The following VAV2 variants were observed in gnomAD, a reference collection of about 807,000 sequenced individuals.
The protein encoded by VAV2 is vav guanine nucleotide exchange factor 2.
Under a neutral mutation model 132.5 loss-of-function variants are expected in VAV2, and 67 were observed. That is an observed-to-expected ratio of 0.51 (90% CI 0.42 to 0.62). The LOEUF is 0.62. Ranked by LOEUF, VAV2 falls within the 20% of genes least tolerant of loss-of-function variation. The pLI is 0.00. For synonymous variants in VAV2, 492 were observed against 443.5 expected, an observed-to-expected ratio of 1.11 and a Z score of -1.37; for missense variants, 938 against 1,153.6, an observed-to-expected ratio of 0.81 and a Z score of 2.71.
chr9:133,851,532 T>C (rs1837166435), intron 3 of VAV2, among the ~76,000 whole-genome samples: 1 of 152,230 alleles, frequency 6.6e-6, no homozygotes, highest in Non-Finnish European at 1.5e-5. Context: ...GTTCTGTGCC[T>C]ACTATGTGCC....
At chr9:133,818,460 G>A (rs908883697) in intron 4 of VAV2, among the ~76,000 whole-genome samples, 6 of 151,852 alleles carry the variant, frequency 4.0e-5, no homozygotes, top group Non-Finnish European at 7.4e-5. Flanking sequence ...CCTCCTGGGT[G>A]TCAGATCTTC....
rs778826365 is a variant in VAV2, at chr9:133,779,911, G to C, written c.1762+7C>G. ...GATAGCAGAGGGCCCAGGTCCAGAA[G>C]ACTCACCTGGTCCCGCTCCGGAGGC... On this transcript the variant is annotated splice_region_variant and intron_variant, in intron 21 of 29. Coordinates refer to ENST00000371850, the MANE Select transcript of VAV2 (RefSeq NM_001134398.2). 1 of 1,611,874 alleles carries C rather than the reference G, an allele frequency of 6.2e-7. No homozygotes were observed.
chr9:133,848,279 CAAAAAAAAAAAAA>C (rs34908811), intron 3 of VAV2, among the ~76,000 whole-genome samples: 2 of 48,628 alleles, frequency 4.1e-5, no homozygotes, highest in South Asian at 8.4e-4. Context: ...GACTCCGTCT[CAAAAAAAAAAAAA>C]AAAAAAAAAA....
At chr9:133,901,027 T>C (rs1030936730) in intron 2 of VAV2, among the ~76,000 whole-genome samples, 2 of 152,070 alleles carry the variant, frequency 1.3e-5, no homozygotes, top group East Asian at 3.9e-4. Context: ...CTCCAACTCC[T>C]GACCTCAGGT....
intron 2 of VAV2, among the ~76,000 whole-genome samples, chr9:133,927,102 C>T (rs1269798874): frequency 2.8e-5 from 1 of 35,572 alleles, no homozygotes; most frequent in Non-Finnish European, 1.6e-4. Flanking sequence ...CAGGACCTAC[C>T]TTACCAGTGG....
rs1260003591 is a variant in VAV2, at chr9:133,795,726, C to G, written c.1043G>C (p.Ser348Thr). The G allele has an allele frequency of 9.3e-6, 15 of 1,614,030 alleles. No individual in the cohort carries two copies. The highest frequency in any genetic ancestry group is 1.3e-5 in the Non-Finnish European group (15 of 1,179,874). Residue 348 changes from serine (S) to threonine (T), a missense_variant, in exon 12 of 30, where the codon AGC (serine) becomes ACC (threonine). By Grantham distance (58) the Ser-to-Thr change is moderately conservative. Transcript: ENST00000371850. The stretch of plus-strand genomic sequence containing the variant: ...CCTCTCAGGCCGTTCCGCAGAATGG[C>G]TCAGAAGCTCCTGGAAGGGTGAGAA... ...KYHLLLKELL[S>T]HSAERPERQQ...
chr9:133,969,498 G>A lies in VAV2; in HGVS notation c.204+22577C>T, dbSNP rs1842256199. Among the ~76,000 whole-genome samples, 1 of 151,936 alleles carries A rather than the reference G, an allele frequency of 6.6e-6. No homozygotes were observed. Among genetic ancestry groups the A allele is most frequent in the South Asian group, 2.1e-4 (1 of 4,782 alleles). On this transcript the variant is annotated intron_variant, in intron 1 of 29. Transcript: ENST00000371850. The surrounding 1 kb of genome is among the most constrained non-coding windows in gnomAD (Gnocchi z 5.1). ...GCACCACTGAGACAAGAAGCCTGAGGCCAACCAGGGAACCTCAGGGGTGGA... is the reference window on the plus strand; with the variant it reads ...GCACCACTGAGACAAGAAGCCTGAGACCAACCAGGGAACCTCAGGGGTGGA...
Position 133,823,863 on chromosome 9 carries a change from T to TCA in VAV2, c.449+10407_449+10408dup, listed in dbSNP as rs561899155. Among the ~76,000 whole-genome samples the TCA allele has an allele frequency of 2.2e-4, 33 of 152,226 alleles. No individual in the cohort carries two copies. Among genetic ancestry groups the TCA allele is most frequent in the African/African-American group, 7.5e-4 (31 of 41,546 alleles). On this transcript the variant is annotated intron_variant, in intron 4 of 29. Coordinates refer to ENST00000371850, the MANE Select transcript of VAV2 (RefSeq NM_001134398.2). The surrounding 1 kb of genome is among the most constrained non-coding windows in gnomAD (Gnocchi z 5.5). Reference sequence around the variant, plus strand: ...CCTGGAAGTCCCAGGCCATACCTGCTCACACACACACGGGAATGCGGAGCG... The same window carrying TCA: ...CCTGGAAGTCCCAGGCCATACCTGCTCACACACACACACGGGAATGCGGAGCG...
intron 2 of VAV2, among the ~76,000 whole-genome samples, chr9:133,934,945 C>T (rs1158867287): frequency 6.6e-6 from 1 of 152,152 alleles, no homozygotes; most frequent in African/African-American, 2.4e-5. Context: ...AAGTAGGAGC[C>T]GATCAGACAA....
intron 3 of VAV2, among the ~76,000 whole-genome samples, chr9:133,855,148 C>G (rs562713743): frequency 1.1e-4 from 17 of 152,354 alleles, no homozygotes; most frequent in African/African-American, 4.1e-4. Context: ...GCAATGTCTT[C>G]AAACACAGCA....
rs1238214206 is a variant in VAV2, at chr9:133,885,086, T to C, written c.322-23654A>G. ...AGAGCCTAGATAAGTTGGGCCCTTC[T>C]GGAGGGTTCTCTCCAGAGGACTGGC... On this transcript the variant is annotated intron_variant, in intron 2 of 29. Transcript: ENST00000371850. This position sits in a 1 kb window ranked among gnomAD's most constrained non-coding sequence, Gnocchi z 5.0. Among the ~76,000 whole-genome samples, 1 of 152,272 alleles carries C rather than the reference T, an allele frequency of 6.6e-6. No homozygotes were observed. Among genetic ancestry groups the C allele is most frequent in the African/African-American group, 2.4e-5 (1 of 41,470 alleles).
At chr9:133,882,121 G>A (rs576233256) in intron 2 of VAV2, among the ~76,000 whole-genome samples, 199 of 152,356 alleles carry the variant, frequency 1.3e-3, no homozygotes, top group African/African-American at 4.6e-3. Flanking sequence ...CAGGCTGTAC[G>A]GGACACAGTG....
At chr9:133,776,744 G>A (rs1020895158) in intron 23 of VAV2, among the ~76,000 whole-genome samples, 8 of 152,142 alleles carry the variant, frequency 5.3e-5, no homozygotes, top group Non-Finnish European at 1.0e-4. Flanking sequence ...AGCAGAGGTA[G>A]CACACAGGCG....
chr9:133,945,554 C>G (rs139325862), intron 1 of VAV2, among the ~76,000 whole-genome samples: 1 of 152,020 alleles, frequency 6.6e-6, no homozygotes, highest in South Asian at 2.1e-4. Flanking sequence ...TCTCAGGATG[C>G]CCCCAGCCTC....
At chr9:133,921,898 G>A (rs1272863546) in intron 2 of VAV2, among the ~76,000 whole-genome samples, 4 of 152,382 alleles carry the variant, frequency 2.6e-5, no homozygotes, top group Middle Eastern at 6.8e-3. Flanking sequence ...GGTTCTGATC[G>A]TGATGGGACT....
At chr9:133,915,429 A>G (rs539370949) in intron 2 of VAV2, among the ~76,000 whole-genome samples, 1 of 152,344 alleles carries the variant, frequency 6.6e-6, no homozygotes, top group East Asian at 1.9e-4. Flanking sequence ...CCCAAGGAGC[A>G]CAGGTGGTGC....
At chr9:133,807,508 G>A (rs1588203877) in intron 7 of VAV2, among the ~76,000 whole-genome samples, 182 bp from the exon 8 acceptor site, 2 of 152,242 alleles carry the variant, frequency 1.3e-5, no homozygotes, top group Non-Finnish European at 2.9e-5. Flanking sequence ...TGCAGGGCAG[G>A]AAGGTGCGGG....
At chr9:133,816,382 T>C (rs1835559348) in intron 4 of VAV2, among the ~76,000 whole-genome samples, 1 of 152,264 alleles carries the variant, frequency 6.6e-6, no homozygotes, top group Non-Finnish European at 1.5e-5. Flanking sequence ...TAAGAAATCC[T>C]TGTGCCTTGT....
At chr9:133,936,148 G>A (rs1029362584) in intron 2 of VAV2, among the ~76,000 whole-genome samples, 9 of 152,184 alleles carry the variant, frequency 5.9e-5, no homozygotes, top group Non-Finnish European at 1.3e-4. Context: ...CCGCACCCTG[G>A]GATGGCAGGG....
Sources: allele counts gnomAD v4.1 joint callset (sites outside exome capture counted in the v4.1 genomes callset), GRCh38; gene constraint gnomAD v4.1.1; non-coding constraint Gnocchi (gnomAD v3.1); transcripts MANE v1.5; gene names NCBI Gene and HGNC (gene_info 2026-07-23, HGNC 2026-07-21).